The following FHIT variants were observed in gnomAD, a reference collection of about 807,000 sequenced individuals.
FHIT encodes the protein fragile histidine triad diadenosine triphosphatase, also known as bis(5'-adenosyl)-triphosphatase.
FHIT carries 19 observed loss-of-function variants against 17.9 expected under a neutral mutation model. The observed-to-expected ratio is 1.06, with a 90% CI of 0.74 to 1.56. The LOEUF (loss-of-function observed/expected upper bound fraction) is 1.56, where lower values mean the gene tolerates loss of function less well. FHIT is among the 40% of genes most tolerant of loss of function. FHIT has a pLI of 0.00. For synonymous variants in FHIT, 81 were observed against 69.7 expected (o/e 1.16, Z -0.81); for missense variants, 248 against 189.2 (o/e 1.31, Z -1.82).
chr3:60,473,540 T>A (rs1389242973), intron 5 of FHIT, among the ~76,000 whole-genome samples: 3 of 152,140 alleles, frequency 2.0e-5, no homozygotes, highest in Non-Finnish European at 4.4e-5. Flanking sequence ...AAAAGGCCAT[T>A]AACCAATAGG....
intron 2 of FHIT, among the ~76,000 whole-genome samples, chr3:61,188,812 A>T (rs1303020632): frequency 6.6e-6 from 1 of 152,164 alleles, no homozygotes; most frequent in East Asian, 1.9e-4. Context: ...CAGCATATAA[A>T]CAGAACCAAA....
chr3:60,126,673 C>T (rs1705565933), intron 5 of FHIT, among the ~76,000 whole-genome samples: 2 of 152,158 alleles, frequency 1.3e-5, no homozygotes, highest in Admixed American at 1.3e-4. Context: ...AGAGTCAACC[C>T]AATCCACAGC....
chr3:61,135,847 A>T (rs1010048251), intron 2 of FHIT, among the ~76,000 whole-genome samples: 8 of 152,340 alleles, frequency 5.3e-5, no homozygotes, highest in East Asian at 1.9e-4. Context: ...AAAACTGAGC[A>T]AAAACCAGCT....
At chr3:61,115,193 TA>T (rs1293002053) in intron 2 of FHIT, among the ~76,000 whole-genome samples, 1 of 152,128 alleles carries the variant, frequency 6.6e-6, no homozygotes, top group Admixed American at 6.5e-5. Flanking sequence ...AGACAATAAT[TA>T]AATGGTGCCA....
At chr3:59,809,199 G>A (rs1202800934) in intron 8 of FHIT, among the ~76,000 whole-genome samples, 1 of 152,178 alleles carries the variant, frequency 6.6e-6, no homozygotes, top group Non-Finnish European at 1.5e-5. Flanking sequence ...GGTCTTGGGA[G>A]ATGTTATTAG....
intron 5 of FHIT, among the ~76,000 whole-genome samples, chr3:60,364,618 G>A (rs1158829993): frequency 6.6e-6 from 1 of 152,206 alleles, no homozygotes; most frequent in Admixed American, 6.5e-5. Flanking sequence ...GGCTATATGT[G>A]TACATGCTGG....
At chr3:60,561,218 T>G (rs970336974) in intron 4 of FHIT, among the ~76,000 whole-genome samples, 3 of 152,020 alleles carry the variant, frequency 2.0e-5, no homozygotes, top group African/African-American at 7.2e-5. Flanking sequence ...ACCAATCAGA[T>G]AGACGCTAAG....
At chr3:60,302,805 T>C (rs1237692109) in intron 5 of FHIT, among the ~76,000 whole-genome samples, 8 of 152,118 alleles carry the variant, frequency 5.3e-5, no homozygotes, top group Admixed American at 5.2e-4. Flanking sequence ...AATTGAAAAC[T>C]GGACTGAAAT....
chr3:59,797,646 G>A (rs967217394), intron 8 of FHIT, among the ~76,000 whole-genome samples: 20 of 152,086 alleles, frequency 1.3e-4, no homozygotes, highest in Admixed American at 1.3e-4. Flanking sequence ...CCTCCATGCC[G>A]ATATTATATA....
At chr3:61,238,036 G>T (rs772250213) in intron 1 of FHIT, among the ~76,000 whole-genome samples, 1 of 152,162 alleles carries the variant, frequency 6.6e-6, no homozygotes, top group Non-Finnish European at 1.5e-5. Context: ...ACCTCATTTT[G>T]TTTATCATAG....
chr3:61,129,634 A>T (rs1041491826), intron 2 of FHIT, among the ~76,000 whole-genome samples: 8 of 152,216 alleles, frequency 5.3e-5, no homozygotes, highest in African/African-American at 1.7e-4. Context: ...ATTCAAAGCA[A>T]GATCTTCGAA....
intron 5 of FHIT, among the ~76,000 whole-genome samples, chr3:60,384,919 C>T (rs1700951546): frequency 1.3e-5 from 2 of 151,726 alleles, no homozygotes; most frequent in South Asian, 4.2e-4. Context: ...AATGCCTTCC[C>T]TTTCTTTCGC....
intron 8 of FHIT, among the ~76,000 whole-genome samples, chr3:59,875,181 C>G (rs1240797272): frequency 6.6e-6 from 1 of 152,168 alleles, no homozygotes; most frequent in Non-Finnish European, 1.5e-5. Flanking sequence ...GACTTGCTTC[C>G]AGGGAACAAT....
intron 3 of FHIT, among the ~76,000 whole-genome samples, chr3:60,948,890 C>T (rs546705995): frequency 2.6e-5 from 4 of 152,188 alleles, no homozygotes; most frequent in Admixed American, 1.3e-4. Context: ...AGGTCAACAC[C>T]GCTCTTTTGT....
intron 7 of FHIT, among the ~76,000 whole-genome samples, chr3:59,958,673 T>G (rs568828533): frequency 1.3e-5 from 2 of 152,310 alleles, no homozygotes; most frequent in African/African-American, 4.8e-5. Context: ...AATAATGATG[T>G]TGGCTAGGGT....
intron 2 of FHIT, among the ~76,000 whole-genome samples, chr3:61,123,624 A>C (rs1279956802): frequency 6.6e-6 from 1 of 152,190 alleles, no homozygotes; most frequent in Admixed American, 6.5e-5. Context: ...AATCAAAGGT[A>C]GGCATGCAGT....
At chr3:59,942,607 A>T (rs1333093431) in intron 7 of FHIT, among the ~76,000 whole-genome samples, 4 of 152,126 alleles carry the variant, frequency 2.6e-5, no homozygotes, top group African/African-American at 9.7e-5. Context: ...CACATGATTC[A>T]TCCCCTCTCC....
chr3:60,240,764 G>C (rs1376750447), intron 5 of FHIT, among the ~76,000 whole-genome samples: 1 of 152,122 alleles, frequency 6.6e-6, no homozygotes, highest in Non-Finnish European at 1.5e-5. Flanking sequence ...ACAGCTGGCA[G>C]ATAGCAGGAA....
chr3:60,267,267 T>C (rs866708392), intron 5 of FHIT, among the ~76,000 whole-genome samples: 1 of 152,012 alleles, frequency 6.6e-6, no homozygotes, highest in South Asian at 2.1e-4. Context: ...TGTAGGGGTT[T>C]TGAATTATTT....
Sources: gnomAD v4.1 joint callset for allele counts (sites outside exome capture counted in the v4.1 genomes callset) on GRCh38, gnomAD v4.1.1 for gene constraint, MANE v1.5 for transcripts, NCBI Gene and HGNC (gene_info 2026-07-23, HGNC 2026-07-21) for gene names.